The following DLG2 variants were observed in gnomAD, a reference collection of about 807,000 sequenced individuals.
DLG2 encodes the protein disks large homolog 2.
In DLG2, 45 loss-of-function variants were observed where a neutral mutation model predicts 132.5. The ratio of observed to expected loss-of-function variants is 0.34; its 90% CI spans 0.27 to 0.44. DLG2 has a LOEUF of 0.44. Among genes scored for constraint, DLG2 ranks in the 20% least tolerant of loss-of-function variants. The pLI, the probability that DLG2 is intolerant of heterozygous loss-of-function variation, is 1.00. For missense variants in DLG2, 1,045 were observed against 1,196.9 expected (o/e 0.87, Z 1.87); for synonymous variants, 424 against 419.6 (o/e 1.01, Z -0.13).
At chr11:84,819,150 G>A (rs531645172) in intron 6 of DLG2, among the ~76,000 whole-genome samples, 1 of 149,492 alleles carries the variant, frequency 6.7e-6, no homozygotes, top group African/African-American at 2.5e-5. Context: ...GGTACACAGA[G>A]AACAGAAGAA....
intron 2 of DLG2, among the ~76,000 whole-genome samples, chr11:85,620,718 A>G (rs1414545366): frequency 6.6e-6 from 1 of 152,246 alleles, no homozygotes; most frequent in Non-Finnish European, 1.5e-5. Context: ...TCAATTCTAT[A>G]TAGGCTGAGA....
chr11:85,220,949 T>C (rs1465396671), intron 4 of DLG2, among the ~76,000 whole-genome samples: 1 of 152,114 alleles, frequency 6.6e-6, no homozygotes, highest in Non-Finnish European at 1.5e-5. Context: ...CCCTTCAGTC[T>C]TGTCTAGATT....
At chr11:83,781,491 C>G (rs908930686) in intron 18 of DLG2, among the ~76,000 whole-genome samples, 12 of 152,310 alleles carry the variant, frequency 7.9e-5, no homozygotes, top group Non-Finnish European at 1.5e-4. Flanking sequence ...ATTATCAACT[C>G]TGCTTTTTGG....
chr11:84,627,685 A>C (rs1378610328), intron 6 of DLG2, among the ~76,000 whole-genome samples: 1 of 152,246 alleles, frequency 6.6e-6, no homozygotes, highest in Non-Finnish European at 1.5e-5. Flanking sequence ...AAAGAAAAGA[A>C]GTTTAATTGG....
intron 6 of DLG2, among the ~76,000 whole-genome samples, chr11:84,603,436 C>T (rs1016272149): frequency 3.3e-5 from 5 of 152,038 alleles, no homozygotes; most frequent in Admixed American, 3.3e-4. Context: ...TCAATTTGCT[C>T]ATCTGTAGAA....
At chr11:84,193,261 G>A (rs942855522) in intron 8 of DLG2, among the ~76,000 whole-genome samples, 1 of 152,190 alleles carries the variant, frequency 6.6e-6, no homozygotes, top group African/African-American at 2.4e-5. Context: ...GATCTAGATA[G>A]TGATTCAGGG....
chr11:84,468,524 A>C (rs1433115097), intron 7 of DLG2, among the ~76,000 whole-genome samples: 1 of 151,518 alleles, frequency 6.6e-6, no homozygotes, highest in Non-Finnish European at 1.5e-5. Context: ...CAAATACCAC[A>C]TTCTTATATC....
chr11:84,615,039 C>T (rs1226426477), intron 6 of DLG2, among the ~76,000 whole-genome samples: 2 of 152,080 alleles, frequency 1.3e-5, no homozygotes, highest in Admixed American at 6.6e-5. Context: ...AGCATTCAAG[C>T]AGGCACCCAA....
rs202021284 is a variant in DLG2, at chr11:84,214,222, C to CATATATATATACATATATATATGAATAT, written c.573+37015_573+37016insATATTCATATATATATGTATATATATAT. Among the ~76,000 whole-genome samples the CATATATATATACATATATATATGAATAT allele has an allele frequency of 1.5e-5, 2 of 131,294 alleles. 1 individual carries two copies. The highest frequency in any genetic ancestry group is 7.7e-5 in the African/African-American group (2 of 25,980). 86.1% of individuals were successfully genotyped at this position (131,294 alleles called of 152,430 possible). On this transcript the variant is annotated intron_variant, in intron 8 of 27. Coordinates refer to ENST00000376104, the MANE Select transcript of DLG2 (RefSeq NM_001142699.3). ...ATATATATACATATATATATGAATACATATATACATATATATGAATATATA... is the reference window on the plus strand; with the variant it reads ...ATATATATACATATATATATGAATACATATATATATACATATATATATGAATATATATATACATATATATGAATATATA...
At chr11:84,525,613 C>G (rs1279182163) in intron 7 of DLG2, among the ~76,000 whole-genome samples, 1 of 152,130 alleles carries the variant, frequency 6.6e-6, no homozygotes, top group Non-Finnish European at 1.5e-5. Flanking sequence ...TCCAATTATT[C>G]CTTCCACTGT....
At chr11:83,959,636 T>C (rs929948395) in intron 14 of DLG2, among the ~76,000 whole-genome samples, 1 of 152,118 alleles carries the variant, frequency 6.6e-6, no homozygotes, top group Admixed American at 6.6e-5. Flanking sequence ...TTATAGCGAA[T>C]CTACGGATGA....
chr11:83,669,946 A>G (rs1045936940), intron 18 of DLG2, among the ~76,000 whole-genome samples: 3 of 152,228 alleles, frequency 2.0e-5, no homozygotes, highest in African/African-American at 7.2e-5. Flanking sequence ...CCAAATCTTG[A>G]CCCAAATGGT....
intron 6 of DLG2, among the ~76,000 whole-genome samples, chr11:84,729,917 G>C (rs183854322): frequency 9.3e-4 from 142 of 151,970 alleles, no homozygotes; most frequent in Middle Eastern, 3.4e-3. Context: ...CAGCCTATTC[G>C]TTCTGAATCA....
chr11:85,247,902 C>T (rs921128390), intron 4 of DLG2, among the ~76,000 whole-genome samples: 2 of 152,066 alleles, frequency 1.3e-5, no homozygotes, highest in African/African-American at 4.8e-5. Context: ...ACAATCATTG[C>T]TTTGGTCCCC....
In DLG2 at chr11:83,467,764, A is replaced by AGTATAT. The variant is rs1565337995; in HGVS notation, c.2620-948_2620-947insATATAC. On this transcript the variant is annotated intron_variant, in intron 25 of 27. Transcript: ENST00000376104. The stretch of plus-strand genomic sequence containing the variant: ...AAATGCCATCTCAAAAAAAATAAAA[A>AGTATAT]CTATATGTATATATATATATATATA... Among the ~76,000 whole-genome samples the AGTATAT allele has an allele frequency of 5.1e-5, 4 of 77,974 alleles. 1 individual carries two copies. The highest frequency in any genetic ancestry group is 2.1e-4 in the African/African-American group (4 of 19,136). The allele number at this position is 77,974 out of a possible 152,430, so 51.2% of individuals were successfully genotyped here.
chr11:83,695,880 T>C (rs1022194741), intron 18 of DLG2, among the ~76,000 whole-genome samples: 1 of 151,788 alleles, frequency 6.6e-6, no homozygotes, highest in Non-Finnish European at 1.5e-5. Flanking sequence ...TCCACCGTGA[T>C]GTGAAACAAC....
chr11:85,190,407 T>C (rs1346480320), intron 4 of DLG2, among the ~76,000 whole-genome samples: 1 of 151,884 alleles, frequency 6.6e-6, no homozygotes, highest in Non-Finnish European at 1.5e-5. Flanking sequence ...CAATGAAAAG[T>C]TAGGAAGATC....
intron 6 of DLG2, among the ~76,000 whole-genome samples, chr11:84,623,663 T>C (rs1443277647): frequency 6.6e-6 from 1 of 152,196 alleles, no homozygotes; most frequent in Non-Finnish European, 1.5e-5. Flanking sequence ...ACACACATTT[T>C]AATAGTTACT....
chr11:85,541,174 G>T (rs2075942046), intron 3 of DLG2, among the ~76,000 whole-genome samples: 1 of 152,118 alleles, frequency 6.6e-6, no homozygotes, highest in Non-Finnish European at 1.5e-5. Context: ...ACTTTACCCT[G>T]TGAATGATGG....
Sources: allele counts gnomAD v4.1 joint callset (sites outside exome capture counted in the v4.1 genomes callset), GRCh38; gene constraint gnomAD v4.1.1; transcripts MANE v1.5; gene names NCBI Gene and HGNC (gene_info 2026-07-23, HGNC 2026-07-21).